Variants in NLRP13 observed in about 807,000 individuals in gnomAD.
The protein encoded by NLRP13 is NLR family pyrin domain containing 13.
A neutral mutation model predicts 94.4 loss-of-function variants in NLRP13; 82 were observed. The ratio of observed to expected loss-of-function variants is 0.87; its 90% CI spans 0.73 to 1.04. NLRP13 has a LOEUF of 1.04. NLRP13 is among the 50% of genes least tolerant of loss of function. NLRP13 has a pLI of 0.00. For missense variants in NLRP13, 1,426 were observed against 1,230.8 expected (o/e 1.16, Z -2.37); for synonymous variants, 553 against 464.7 (o/e 1.19, Z -2.45).
At position 55,895,990 on chromosome 19, in the gene NLRP13, A is replaced by T; in HGVS notation, c.3087T>A (p.Cys1029Ter). ...ELDTDGVKML[C>*]KALKKSTCRL... ...TGCATGTCGACTTTTTCAAAGCCTT[A>T]CATAGCATCTTGACACCATCAGTAT... Residue 1029 changes from cysteine to a stop codon, truncating the protein, a stop_gained, in exon 11 of 11, where the codon TGT becomes TGA. Coordinates refer to ENST00000342929, the MANE Select transcript of NLRP13 (RefSeq NM_176810.2). LOFTEE classifies it low-confidence loss of function (END_TRUNC). 6.2e-7 allele frequency: 1 copy of T among 1,614,184 alleles called. No homozygotes were observed. Among genetic ancestry groups the T allele is most frequent in the Middle Eastern group, 1.6e-4 (1 of 6,062 alleles).
intron 4 of NLRP13, among the ~76,000 whole-genome samples, chr19:55,919,706 T>C (rs1260585656): frequency 3.3e-5 from 5 of 151,980 alleles, no homozygotes; most frequent in African/African-American, 1.2e-4. Context: ...AAATTATGGA[T>C]GACACAAGTA....
At chr19:55,901,289 C>G (rs986599498) in intron 9 of NLRP13, among the ~76,000 whole-genome samples, 3 of 152,228 alleles carry the variant, frequency 2.0e-5, no homozygotes, top group Non-Finnish European at 4.4e-5. Context: ...ATCCCTGATG[C>G]AAATCCTGAC....
intron 3 of NLRP13, 87 bp from the exon 4 acceptor site, chr19:55,924,066 T>A: frequency 1.0e-6 from 1 of 982,622 alleles, no homozygotes; most frequent in Non-Finnish European, 1.6e-6. Flanking sequence ...GAACCAACTC[T>A]TTCTATGGCA....
At position 55,899,276 on chromosome 19, in the gene NLRP13, C is replaced by G. The variant is rs923075806; in HGVS notation, c.2790-339G>C. Reference sequence around the variant, plus strand: ...CACGATTCTCAGCCTTCAAGCTCGACAGTTGAGCTGAAGATACCAGGAATC... The same window carrying G: ...CACGATTCTCAGCCTTCAAGCTCGAGAGTTGAGCTGAAGATACCAGGAATC... On this transcript the variant is annotated intron_variant, in intron 9 of 10. Transcript: ENST00000342929. 1.3e-5 allele frequency among the ~76,000 whole-genome samples: 2 copies of G among 152,200 alleles called. 1 individual carries two copies. Among genetic ancestry groups the G allele is most frequent in the Admixed American group, 1.3e-4 (2 of 15,272 alleles).
chr19:55,902,847 T>A lies in NLRP13; in HGVS notation c.2619-642A>T, dbSNP rs188967612. On this transcript the variant is annotated intron_variant, in intron 8 of 10. Transcript: ENST00000342929. ...ATTAACTATATATTACATACATATATTGCATAATACATATATCATAATGTA... is the reference window on the plus strand; with the variant it reads ...ATTAACTATATATTACATACATATAATGCATAATACATATATCATAATGTA... Among the ~76,000 whole-genome samples, 3 of 150,290 alleles carry A rather than the reference T, an allele frequency of 2.0e-5. No homozygotes were observed. In the Admixed American group the frequency reaches 2.0e-4, roughly 10 times the overall value.
In NLRP13 at chr19:55,912,908, T is replaced by C. The variant is rs907936187; in HGVS notation, c.909A>G (p.Pro303=). 1.2e-6 allele frequency: 2 copies of C among 1,614,102 alleles called. No homozygotes were observed. Among genetic ancestry groups the C allele is most frequent in the African/African-American group, 2.7e-5 (2 of 74,938 alleles). ...CATCAATAATAAACAGGAGCTTCTC[T>C]GGTTGAGACATGAACTCTTCAATGG... The part of the protein sequence containing the change: ...DAPIEEFMSQ[P]EKLLFIIDGF... The change falls in exon 5 of 11, where the codon CCA becomes CCG. Residue 303 remains proline, a synonymous_variant. Transcript: ENST00000342929.
chr19:55,908,174 C>T (rs2117901), intron 6 of NLRP13, among the ~76,000 whole-genome samples: 112 of 152,208 alleles, frequency 7.4e-4, no homozygotes, highest in African/African-American at 2.5e-3. Context: ...GTTGCAGGTA[C>T]GAAGTCAGGG....
At chr19:55,894,877 T>G (rs1355827949), downstream of NLRP13, among the ~76,000 whole-genome samples, 1 of 152,100 alleles carries the variant, frequency 6.6e-6, no homozygotes, top group African/African-American at 2.4e-5. Context: ...GCTCTCAAAA[T>G]ACCCAAAAGT....
intron 7 of NLRP13, among the ~76,000 whole-genome samples, chr19:55,906,337 C>CAA (rs71182931): frequency 6.6e-5 from 4 of 60,982 alleles, no homozygotes; most frequent in Admixed American, 2.4e-4. Context: ...GACTCCATCT[C>CAA]AAAAAAAAAA....
At chr19:55,904,788 T>C (rs1276177801) in intron 8 of NLRP13, among the ~76,000 whole-genome samples, 154 bp downstream of exon 8, 1 of 152,138 alleles carries the variant, frequency 6.6e-6, no homozygotes, top group Non-Finnish European at 1.5e-5. Context: ...AGGATGCTAC[T>C]CTGAATCTGT....
chr19:55,893,795 C>T (rs1985923523), downstream of NLRP13, among the ~76,000 whole-genome samples: 1 of 152,184 alleles, frequency 6.6e-6, no homozygotes, highest in Non-Finnish European at 1.5e-5. Flanking sequence ...GGTCTGGGCA[C>T]CCAGTCAGAA....
In NLRP13 at chr19:55,898,923, G is replaced by C. The variant is rs369393061; in HGVS notation, c.2804C>G (p.Ser935Cys). The change falls in exon 10 of 11, where the codon TCT becomes TGT. Residue 935 changes from serine (S) to cysteine (C), a missense_variant. By Grantham distance (112) the Ser-to-Cys change is moderately radical. Transcript: ENST00000342929. Reference sequence around the variant, plus strand: ...CTCTCCACAGCCCTCTCTTGTGAAAGAACAACCTGACAAACTGCAAAATAA... The same window carrying C: ...CTCTCCACAGCCCTCTCTTGTGAAACAACAACCTGACAAACTGCAAAATAA... ...NLQSLNLSGC[S>C]FTREGCGELA... is the part of the protein sequence containing the mutation. 2.5e-6 allele frequency: 4 copies of C among 1,605,402 alleles called. No individual in the cohort carries two copies. In the African/African-American group the frequency reaches 5.4e-5, roughly 22 times the overall value.
intron 4 of NLRP13, among the ~76,000 whole-genome samples, chr19:55,920,247 AG>A (rs1423488651): frequency 6.6e-6 from 1 of 152,146 alleles, no homozygotes; most frequent in Non-Finnish European, 1.5e-5. Context: ...TGTAGGGAAA[AG>A]TTTTCTGGAC....
intron 4 of NLRP13, among the ~76,000 whole-genome samples, chr19:55,915,721 G>C (rs769025468): frequency 6.6e-6 from 1 of 151,996 alleles, no homozygotes; most frequent in East Asian, 1.9e-4. Flanking sequence ...AGCCAACTCA[G>C]CCAGCAGAGA....
downstream of NLRP13, among the ~76,000 whole-genome samples, chr19:55,892,351 CAACA>C (rs979681954): frequency 1.6e-4 from 23 of 147,284 alleles, no homozygotes; most frequent in Middle Eastern, 3.4e-3. Context: ...CGTGTCTTGT[CAACA>C]AATATATGTG....
Position 55,898,887 on chromosome 19 carries a change from G to T in NLRP13, c.2840C>A (p.Ala947Asp), listed in dbSNP as rs1433847368. 1.9e-6 allele frequency: 3 copies of T among 1,613,528 alleles called. No homozygotes were observed. The highest frequency in any genetic ancestry group is 2.5e-6 in the Non-Finnish European group (3 of 1,179,768). ...TTTCACATTATGATTATGGCTGAGG[G>T]CATTAGCCAGCTCTCCACAGCCCTC... Reference protein sequence around the residue: ...TREGCGELANALSHNHNVKIL... With the variant: ...TREGCGELANDLSHNHNVKIL... Residue 947 changes from alanine to aspartate, a missense_variant, in exon 10 of 11, where the codon GCC (alanine) becomes GAC (aspartate). Physicochemically the swap from Ala to Asp is moderately radical, Grantham distance 126. Transcript: ENST00000342929.
At chr19:55,893,825 A>C (rs1278478208), downstream of NLRP13, among the ~76,000 whole-genome samples, 1 of 152,206 alleles carries the variant, frequency 6.6e-6, no homozygotes, top group Non-Finnish European at 1.5e-5. Flanking sequence ...GCACACATGC[A>C]TGATAGACAG....
intron 9 of NLRP13, among the ~76,000 whole-genome samples, chr19:55,901,599 TGAA>T (rs1196074592): frequency 6.6e-5 from 10 of 152,160 alleles, no homozygotes; most frequent in South Asian, 4.2e-4. Flanking sequence ...TACTGTGGAT[TGAA>T]GAAGAAAGGA....
intron 7 of NLRP13, among the ~76,000 whole-genome samples, chr19:55,905,560 G>A (rs766278531): frequency 1.1e-4 from 16 of 151,928 alleles, no homozygotes; most frequent in Non-Finnish European, 1.8e-4. Context: ...GGCTGAGGCA[G>A]GAGAATTGCT....
Sources: allele counts gnomAD v4.1 joint callset (sites outside exome capture counted in the v4.1 genomes callset), GRCh38; gene constraint gnomAD v4.1.1; transcripts MANE v1.5; gene names NCBI Gene and HGNC (gene_info 2026-07-23, HGNC 2026-07-21).